TCEA2: variants seen among roughly 807,000 people sequenced by gnomAD.
TCEA2 encodes the protein transcription elongation factor A protein 2.
In TCEA2, 21 loss-of-function variants were observed where a neutral mutation model predicts 40.8. That is an observed-to-expected ratio of 0.51 (90% CI 0.36 to 0.74). The LOEUF is 0.74. TCEA2 is among the 30% of genes least tolerant of loss of function. The pLI, the probability that TCEA2 is intolerant of heterozygous loss-of-function variation, is 0.00. For synonymous variants in TCEA2, 165 were observed against 162.7 expected, an observed-to-expected ratio of 1.01 and a Z score of -0.11; for missense variants, 326 against 426.5, an observed-to-expected ratio of 0.76 and a Z score of 2.08.
chr20:64,060,798 C>CT (rs200509288), upstream of TCEA2, among the ~76,000 whole-genome samples: 582 of 145,608 alleles, frequency 4.0e-3, 14 homozygotes, highest in East Asian at 0.056. Flanking sequence ...TATGATTGAG[C>CT]TTTTTTTTTT....
chr20:64,063,510 C>A (rs1476568348), intron 1 of TCEA2, 126 bp downstream of exon 1: 4 of 1,127,024 alleles, frequency 3.5e-6, no homozygotes, highest in Admixed American at 2.2e-5. Flanking sequence ...CCGGCAGAGA[C>A]TAACCGGGAC....
In TCEA2 at chr20:64,068,102, C is replaced by G. The variant is rs780123686; in HGVS notation, c.297C>G (p.Ser99=). 5.0e-6 allele frequency: 8 copies of G among 1,610,002 alleles called. No individual in the cohort carries two copies. The South Asian group carries it at 8.9e-5, about 18-fold the overall frequency. ...GGAGGGGCATGCCTCTGCCCACGTC[C>G]TCGAGGGATGCCTCAGAGGCCCCGG... ...ERGRGMPLPT[S]SRDASEAPDP... Residue 99 remains serine (S), a synonymous_variant, in exon 4 of 10, where the codon TCC becomes TCG. Transcript: ENST00000343484.
intron 4 of TCEA2, among the ~76,000 whole-genome samples, chr20:64,068,426 C>T (rs932185272): frequency 6.6e-6 from 1 of 152,260 alleles, no homozygotes; most frequent in Non-Finnish European, 1.5e-5. Context: ...TCCCCCAAGG[C>T]CCCCTGCTGG....
upstream of TCEA2, among the ~76,000 whole-genome samples, chr20:64,059,213 AAAG>A (rs1416341482): frequency 2.0e-3 from 297 of 149,804 alleles, no homozygotes; most frequent in African/African-American, 7.0e-3. Flanking sequence ...AAAAAAAAAA[AAAG>A]GAGATGATGG....
intron 1 of TCEA2, among the ~76,000 whole-genome samples, chr20:64,064,860 C>T (rs913331978): frequency 4.7e-5 from 7 of 150,242 alleles, no homozygotes; most frequent in Non-Finnish European, 1.0e-4. Flanking sequence ...AGAGATGACC[C>T]GAGAATGGAG....
At chr20:64,066,875 G>C in intron 2 of TCEA2, 40 bp from the exon 3 acceptor site, 3 of 1,584,862 alleles carry the variant, frequency 1.9e-6, no homozygotes, top group Non-Finnish European at 2.6e-6. Flanking sequence ...CCCCTAGGGT[G>C]GGCCCCTGCC....
rs1282358412 is a variant in TCEA2, at chr20:64,070,427, T to G, written c.672+13T>G. The G allele has an allele frequency of 6.2e-7, 1 of 1,613,968 alleles. No individual in the cohort carries two copies. The highest frequency in any genetic ancestry group is 1.7e-5 in the Admixed American group (1 of 60,024). ...GATGACCTCAGAGGTGAGCCCCTGTTGGAGGGGCTGGAGGGCTGCTCCCTC... is the reference window on the plus strand; with the variant it reads ...GATGACCTCAGAGGTGAGCCCCTGTGGGAGGGGCTGGAGGGCTGCTCCCTC... On this transcript the variant is annotated intron_variant, in intron 7 of 9. Coordinates refer to ENST00000343484, the MANE Select transcript of TCEA2 (RefSeq NM_003195.6).
At chr20:64,070,138 C>G in intron 6 of TCEA2, 122 bp from the exon 7 acceptor site, 1 of 1,452,516 alleles carries the variant, frequency 6.9e-7, no homozygotes, top group Admixed American at 1.8e-5. Flanking sequence ...GGTGGGCAGA[C>G]CGACCCCTGT....
At chr20:64,068,689 T>C (rs966276088) in intron 4 of TCEA2, among the ~76,000 whole-genome samples, 1 of 152,262 alleles carries the variant, frequency 6.6e-6, no homozygotes, top group African/African-American at 2.4e-5. Context: ...TTGTGGTGAC[T>C]GGGCCACCAG....
chr20:64,066,606 G>C (rs183092975), intron 2 of TCEA2, 68 bp downstream of exon 2: 1 of 1,567,132 alleles, frequency 6.4e-7, no homozygotes, highest in South Asian at 1.1e-5. Flanking sequence ...CAGTTCTGAG[G>C]GCACCTGGCA....
chr20:64,070,713 A>G (rs2145510395), intron 8 of TCEA2, 78 bp downstream of exon 8: 1 of 1,449,840 alleles, frequency 6.9e-7, no homozygotes, highest in East Asian at 2.5e-5. Context: ...GCCCATGCCT[A>G]TTCCCGCCTC....
chr20:64,069,856 C>T lies in TCEA2; in HGVS notation c.517+35C>T, dbSNP rs76499689. On this transcript the variant is annotated intron_variant, in intron 6 of 9. Transcript: ENST00000343484. ...GGGTAGGGGCTGTGGGCCTGGGTTT[C>T]TGGTGGAGTCAGGAGGCTGCCTGGC... is the stretch of plus-strand genomic sequence containing the variant. 2.2e-3 allele frequency: 3,476 copies of T among 1,608,780 alleles called. 44 individuals carry two copies. The African/African-American group carries it at 0.037, about 17-fold the overall frequency.
At chr20:64,069,281 C>T (rs1601595897) in intron 4 of TCEA2, 80 bp from the exon 5 acceptor site, 1 of 1,486,860 alleles carries the variant, frequency 6.7e-7, no homozygotes, top group Admixed American at 2.1e-5. Context: ...TGCTGTGGCA[C>T]CTGCTGCTTC....
chr20:64,069,437 G>C lies in TCEA2; in HGVS notation c.406G>C (p.Asp136His). The change falls in exon 5 of 10, where the codon GAT (aspartate) becomes CAT (histidine). Residue 136 changes from aspartate to histidine, a missense_variant. Asp to His is a moderately conservative substitution (Grantham distance 81). Transcript: ENST00000343484. ...TTFPPVPVTC[D>H]AVRNKCREML... ...ATTTCCTCCGGTGCCTGTCACCTGTGATGCCGTGCGCAACAAGTGCCGCGA... is the reference window on the plus strand; with the variant it reads ...ATTTCCTCCGGTGCCTGTCACCTGTCATGCCGTGCGCAACAAGTGCCGCGA... The C allele has an allele frequency of 6.2e-7, 1 of 1,613,460 alleles. No individual in the cohort carries two copies. Among genetic ancestry groups the C allele is most frequent in the Non-Finnish European group, 8.5e-7 (1 of 1,179,960 alleles).
chr20:64,071,853 C>A lies in TCEA2; in HGVS notation c.820-17C>A. 6.2e-7 allele frequency: 1 copy of A among 1,613,652 alleles called. No individual in the cohort carries two copies. Among genetic ancestry groups the A allele is most frequent in the Non-Finnish European group, 8.5e-7 (1 of 1,179,896 alleles). On this transcript the variant is annotated splice_polypyrimidine_tract_variant and intron_variant, in intron 8 of 9. Transcript: ENST00000343484. ...GAGCATGGAGGTGACCCTGGGTTCACCCAGCCCTGTTCACAGGTGCAGACC... is the reference window on the plus strand; with the variant it reads ...GAGCATGGAGGTGACCCTGGGTTCAACCAGCCCTGTTCACAGGTGCAGACC...
upstream of TCEA2, among the ~76,000 whole-genome samples, chr20:64,056,530 G>C (rs1301283632): frequency 8.3e-6 from 1 of 120,066 alleles, no homozygotes; most frequent in Non-Finnish European, 1.7e-5. Context: ...GGGGTGGCAG[G>C]GGGTGGGGGC....
At chr20:64,070,213 G>A (rs769062635) in intron 6 of TCEA2, 47 bp from the exon 7 acceptor site, 2 of 1,604,194 alleles carry the variant, frequency 1.2e-6, no homozygotes, top group Non-Finnish European at 8.5e-7. Context: ...GGTGGTAGGT[G>A]GAGGGCAGCG....
rs761697975 is a variant in TCEA2 at position 64,069,848 on chromosome 20, C to G, written c.517+27C>G. 3.7e-6 allele frequency: 6 copies of G among 1,610,448 alleles called. No homozygotes were observed. In the African/African-American group the frequency reaches 5.3e-5, roughly 14 times the overall value. Reference sequence around the variant, plus strand: ...TATCCTTTGGGTAGGGGCTGTGGGCCTGGGTTTCTGGTGGAGTCAGGAGGC... The same window carrying G: ...TATCCTTTGGGTAGGGGCTGTGGGCGTGGGTTTCTGGTGGAGTCAGGAGGC... On this transcript the variant is annotated intron_variant, in intron 6 of 9. Coordinates refer to ENST00000343484, the MANE Select transcript of TCEA2 (RefSeq NM_003195.6).
At chr20:64,068,188 T>C in intron 4 of TCEA2, 54 bp downstream of exon 4, 1 of 1,501,722 alleles carries the variant, frequency 6.7e-7, no homozygotes, top group Non-Finnish European at 9.1e-7. Context: ...CCTGTTTCCT[T>C]GCCAGAGAAA....
Sources: allele counts gnomAD v4.1 joint callset (sites outside exome capture counted in the v4.1 genomes callset), GRCh38; gene constraint gnomAD v4.1.1; transcripts MANE v1.5; gene names NCBI Gene and HGNC (gene_info 2026-07-23, HGNC 2026-07-21).